Variants in INSYN2B observed in about 807,000 individuals in gnomAD.
The protein encoded by INSYN2B is inhibitory synaptic factor family member 2B.
INSYN2B carries 16 observed loss-of-function variants against 41.2 expected under a neutral mutation model. The ratio of observed to expected loss-of-function variants is 0.39; its 90% CI spans 0.26 to 0.59. INSYN2B has a LOEUF of 0.59. Among genes scored for constraint, INSYN2B ranks in the 20% least tolerant of loss-of-function variants. The pLI is 0.57. For synonymous variants in INSYN2B, 245 were observed against 244.4 expected (o/e 1.00, Z -0.02); for missense variants, 608 against 646.4 (o/e 0.94, Z 0.64).
intron 1 of INSYN2B, among the ~76,000 whole-genome samples, chr5:169,923,082 C>T (rs1033624080): frequency 6.6e-6 from 1 of 152,138 alleles, no homozygotes; most frequent in Non-Finnish European, 1.5e-5. Flanking sequence ...ACAGAGCCAC[C>T]ACCTCATGGA....
rs1773081034 is a variant in INSYN2B at position 169,888,152 on chromosome 5, A to G, written c.-918-3336T>C. On this transcript the variant is annotated intron_variant, in intron 1 of 3. Coordinates refer to ENST00000377365, the MANE Select transcript of INSYN2B (RefSeq NM_001129891.3). ...TACAAAATTTTCTCTTGACAAAAAT[A>G]TTTTGTGTCGGAACTCTCCTGCCCT... Among the ~76,000 whole-genome samples, 3 of 152,192 alleles carry G rather than the reference A, an allele frequency of 2.0e-5. No homozygotes were observed. The South Asian group carries it at 6.2e-4, about 32-fold the overall frequency.
chr5:169,978,953 T>C (rs1358426941), intron 1 of INSYN2B, among the ~76,000 whole-genome samples: 2 of 152,186 alleles, frequency 1.3e-5, no homozygotes, highest in Non-Finnish European at 1.5e-5. Context: ...GAGTCTCAGA[T>C]ACAATTTCTC....
intron 1 of INSYN2B, among the ~76,000 whole-genome samples, chr5:169,967,355 G>T (rs1001917561): frequency 1.3e-5 from 2 of 152,210 alleles, no homozygotes; most frequent in Non-Finnish European, 2.9e-5. Flanking sequence ...TACATGTGTT[G>T]GCTCAGATGC....
At chr5:169,911,108 T>C (rs1358458693) in intron 1 of INSYN2B, among the ~76,000 whole-genome samples, 1 of 152,242 alleles carries the variant, frequency 6.6e-6, no homozygotes, top group Non-Finnish European at 1.5e-5. Flanking sequence ...AGTTCTTTTC[T>C]AGGTTTATTT....
rs369775725 is a variant in INSYN2B at position 169,951,628 on chromosome 5, T to C, written c.-919+28649A>G. 1.8e-3 allele frequency among the ~76,000 whole-genome samples: 280 copies of C among 152,300 alleles called. 6 individuals are homozygous for C. The South Asian group carries it at 0.048, about 26-fold the overall frequency. ...TCAATAGAAATCAAATGTTTGGATA[T>C]TGAGAATAGCATTATGATGAGGGTC... On this transcript the variant is annotated intron_variant, in intron 1 of 3. Coordinates refer to ENST00000377365, the MANE Select transcript of INSYN2B (RefSeq NM_001129891.3).
chr5:169,867,428 T>C (rs1474372341), intron 3 of INSYN2B, among the ~76,000 whole-genome samples: 7 of 149,540 alleles, frequency 4.7e-5, no homozygotes, highest in Non-Finnish European at 8.9e-5. Flanking sequence ...TGTCTGTCTG[T>C]CTGTCTGTCT....
Position 169,882,568 on chromosome 5 carries a change from C to G in INSYN2B, c.1331G>C (p.Arg444Pro). 6.5e-7 allele frequency: 1 copy of G among 1,546,884 alleles called. No individual in the cohort carries two copies. Among genetic ancestry groups the G allele is most frequent in the Non-Finnish European group, 8.7e-7 (1 of 1,142,954 alleles). Residue 444 changes from arginine to proline, a missense_variant, in exon 2 of 4, where the codon CGA becomes CCA. Physicochemically the swap from Arg to Pro is moderately radical, Grantham distance 103. Coordinates refer to ENST00000377365, the MANE Select transcript of INSYN2B (RefSeq NM_001129891.3). The part of the protein sequence containing the change: ...LNVIQDLEKA[R>P]ALTEGRNFYR... The stretch of plus-strand genomic sequence containing the variant: ...ATCTCCTTACCCTTCAGTGAGAGCT[C>G]GAGCTTTCTCCAAGTCTTGAATTAC...
rs573079677 is a variant in INSYN2B at position 169,889,379 on chromosome 5, G to A, written c.-918-4563C>T. Among the ~76,000 whole-genome samples, 16 of 152,282 alleles carry A rather than the reference G, an allele frequency of 1.1e-4. 1 individual carries two copies. The East Asian group carries it at 3.1e-3, about 29-fold the overall frequency. ...TAGATTCTGTTGTGAGGTGGGCACTGTAATAAATACTGTGGAGATTCCAAG... is the reference window on the plus strand; with the variant it reads ...TAGATTCTGTTGTGAGGTGGGCACTATAATAAATACTGTGGAGATTCCAAG... On this transcript the variant is annotated intron_variant, in intron 1 of 3. Coordinates refer to ENST00000377365, the MANE Select transcript of INSYN2B (RefSeq NM_001129891.3).
At chr5:169,901,345 AT>A (rs1773912398) in intron 1 of INSYN2B, among the ~76,000 whole-genome samples, 1 of 152,198 alleles carries the variant, frequency 6.6e-6, no homozygotes, top group African/African-American at 2.4e-5. Context: ...GAGTGATGAT[AT>A]TGGTCCTGAA....
intron 1 of INSYN2B, among the ~76,000 whole-genome samples, chr5:169,928,871 C>T (rs1479075270): frequency 6.6e-6 from 1 of 152,196 alleles, no homozygotes; most frequent in African/African-American, 2.4e-5. Flanking sequence ...ACATGATGCT[C>T]ACTCTATGCC....
intron 1 of INSYN2B, among the ~76,000 whole-genome samples, chr5:169,887,678 T>C (rs552777905): frequency 5.9e-5 from 9 of 152,364 alleles, no homozygotes; most frequent in African/African-American, 1.9e-4. Context: ...TAAAAGTCTA[T>C]AAATAAACAT....
intron 3 of INSYN2B, chr5:169,875,216 C>T: frequency 2.2e-6 from 1 of 456,662 alleles, no homozygotes; most frequent in Non-Finnish European, 4.4e-6. Context: ...TTTGAACCAA[C>T]CATTCCCAGG....
At chr5:169,955,704 C>T (rs1295843931) in intron 1 of INSYN2B, among the ~76,000 whole-genome samples, 2 of 152,164 alleles carry the variant, frequency 1.3e-5, no homozygotes, top group Admixed American at 1.3e-4. Context: ...TGTGGAATTA[C>T]AGAGACATTC....
chr5:169,899,583 C>T (rs1056237539), intron 1 of INSYN2B, among the ~76,000 whole-genome samples: 1 of 152,178 alleles, frequency 6.6e-6, no homozygotes, highest in East Asian at 1.9e-4. Context: ...TGCTTGGGCA[C>T]TCAGGTTTGG....
At position 169,920,731 on chromosome 5, in the gene INSYN2B, G is replaced by GATTTA. The variant is rs1775127650; in HGVS notation, c.-918-35920_-918-35916dup. On this transcript the variant is annotated intron_variant, in intron 1 of 3. Coordinates refer to ENST00000377365, the MANE Select transcript of INSYN2B (RefSeq NM_001129891.3). The stretch of plus-strand genomic sequence containing the variant: ...CTCATTCCCGTCTCCCGTCTCTGCA[G>GATTTA]ATTTAATTTATAGCTGGAACTTGGC... Among the ~76,000 whole-genome samples, 7 of 152,200 alleles carry GATTTA rather than the reference G, an allele frequency of 4.6e-5. No homozygotes were observed. In the South Asian group the frequency reaches 1.4e-3, roughly 32 times the overall value.
rs1772867859 is a variant in INSYN2B at position 169,884,699 on chromosome 5, A to G, written c.-801T>C. On this transcript the variant is annotated 5_prime_UTR_variant, in exon 2 of 4. The change abolishes the stop of an existing upstream ORF in the 5' untranslated region. Transcript: ENST00000377365. ...TGTTGTGGTGTGTTGGCCGAAGTTC[A>G]CATGTGGGCACGGTGAGCTACGTCT... is the stretch of plus-strand genomic sequence containing the variant. The G allele has an allele frequency of 1.3e-5, 2 of 152,434 alleles. No homozygotes were observed. Among genetic ancestry groups the G allele is most frequent in the Admixed American group, 1.3e-4 (2 of 15,270 alleles). The allele number at this position is 152,434 out of a possible 1,614,324, so 9.4% of individuals were successfully genotyped here.
chr5:169,937,018 G>C (rs1776029411), intron 1 of INSYN2B, among the ~76,000 whole-genome samples: 2 of 152,196 alleles, frequency 1.3e-5, no homozygotes, highest in Non-Finnish European at 1.5e-5. Flanking sequence ...CTGTGGAGGA[G>C]AGGCTGGGTA....
chr5:169,955,327 G>A (rs1776819510), intron 1 of INSYN2B, among the ~76,000 whole-genome samples: 1 of 152,108 alleles, frequency 6.6e-6, no homozygotes, highest in Non-Finnish European at 1.5e-5. Context: ...GGAAGGTTCT[G>A]GGCCCAAACA....
At position 169,882,603 on chromosome 5, in the gene INSYN2B, G is replaced by C; in HGVS notation, c.1296C>G (p.Val432=). 1 of 1,551,590 alleles carries C rather than the reference G, an allele frequency of 6.4e-7. No homozygotes were observed. Among genetic ancestry groups the C allele is most frequent in the African/African-American group, 1.4e-5 (1 of 73,148 alleles). ...SLHSNQEKIK[V]LLNVIQDLEK... Reference sequence around the variant, plus strand: ...CCAAGTCTTGAATTACATTCAAAAGGACTTTAATTTTCTCTTGGTTCGAGT... The same window carrying C: ...CCAAGTCTTGAATTACATTCAAAAGCACTTTAATTTTCTCTTGGTTCGAGT... The change falls in exon 2 of 4, where the codon GTC becomes GTG. Residue 432 remains valine (V), a synonymous_variant. Transcript: ENST00000377365.
Sources: allele counts gnomAD v4.1 joint callset (sites outside exome capture counted in the v4.1 genomes callset), GRCh38; gene constraint gnomAD v4.1.1; transcripts MANE v1.5; gene names NCBI Gene and HGNC (gene_info 2026-07-23, HGNC 2026-07-21).